Variants in PDZD2 observed in about 807,000 individuals in gnomAD.
PDZD2 encodes the protein PDZ domain containing 2, also known as PDZ domain-containing protein 2.
PDZD2 carries 90 observed loss-of-function variants against 220.7 expected under a neutral mutation model. That is an observed-to-expected ratio of 0.41 (90% CI 0.34 to 0.49). The LOEUF (loss-of-function observed/expected upper bound fraction) is 0.49. PDZD2 is among the 20% of genes least tolerant of loss of function. The probability of loss-of-function intolerance (pLI) is 0.28; values close to 1 mark genes in which losing one functional copy is unlikely to be tolerated. For synonymous variants in PDZD2, 1,375 were observed against 1,450.5 expected (o/e 0.95, Z 1.18); for missense variants, 3,174 against 3,608.5 (o/e 0.88, Z 3.08).
At chr5:31,830,319 C>T (rs1330245155) in intron 2 of PDZD2, among the ~76,000 whole-genome samples, 6 of 145,174 alleles carry the variant, frequency 4.1e-5, no homozygotes, top group Non-Finnish European at 9.0e-5. Flanking sequence ...GCGCCCACCA[C>T]CACGCCCAGC....
At chr5:32,081,527 C>A (rs375676805) in intron 19 of PDZD2, among the ~76,000 whole-genome samples, 1 of 152,154 alleles carries the variant, frequency 6.6e-6, no homozygotes, top group Non-Finnish European at 1.5e-5. Flanking sequence ...ACCCGATTAC[C>A]GGATCTCTAA....
chr5:31,722,109 C>T (rs1451604740), intron 1 of PDZD2, among the ~76,000 whole-genome samples: 1 of 152,210 alleles, frequency 6.6e-6, no homozygotes. Context: ...GCCTAGACAA[C>T]CTCACATTGC....
chr5:31,961,723 C>A (rs1748250492), intron 2 of PDZD2, among the ~76,000 whole-genome samples: 1 of 152,176 alleles, frequency 6.6e-6, no homozygotes, highest in Non-Finnish European at 1.5e-5. Context: ...CGGCTCACTG[C>A]AGTCTCTGCC....
chr5:31,959,226 T>C (rs924256142), intron 2 of PDZD2, among the ~76,000 whole-genome samples: 1 of 150,220 alleles, frequency 6.7e-6, no homozygotes, highest in African/African-American at 2.4e-5. Context: ...CCACTGCGCC[T>C]GGCAAAGCAC....
intron 2 of PDZD2, among the ~76,000 whole-genome samples, chr5:31,890,135 A>T (rs142690905): frequency 3.1e-5 from 3 of 98,238 alleles, no homozygotes; most frequent in Non-Finnish European, 3.9e-5. Flanking sequence ...CTTTTTTGTG[A>T]TTTTTTTTTT....
At chr5:31,856,062 CTA>C (rs1169006807) in intron 2 of PDZD2, among the ~76,000 whole-genome samples, 1 of 152,116 alleles carries the variant, frequency 6.6e-6, no homozygotes, top group African/African-American at 2.4e-5. Flanking sequence ...ATAATAAACT[CTA>C]AATAATATAG....
chr5:31,770,012 G>A (rs568503012), intron 1 of PDZD2, among the ~76,000 whole-genome samples: 1 of 152,280 alleles, frequency 6.6e-6, no homozygotes, highest in African/African-American at 2.4e-5. Context: ...TTCTCTGGCA[G>A]CCTGAGGCAG....
At chr5:31,988,461 C>G (rs1750900415) in intron 3 of PDZD2, among the ~76,000 whole-genome samples, 1 of 140,368 alleles carries the variant, frequency 7.1e-6, no homozygotes, top group Non-Finnish European at 1.5e-5. Flanking sequence ...GCATCACCCT[C>G]CTGGCATGTG....
chr5:31,876,001 G>A (rs190057127), intron 2 of PDZD2, among the ~76,000 whole-genome samples: 1 of 152,110 alleles, frequency 6.6e-6, no homozygotes, highest in African/African-American at 2.4e-5. Context: ...AAAAATTCTT[G>A]TTGAGAGACT....
chr5:32,076,288 G>GTAAAA (rs1741279663), intron 18 of PDZD2, among the ~76,000 whole-genome samples: 1 of 87,930 alleles, frequency 1.1e-5, no homozygotes, highest in Non-Finnish European at 2.3e-5. Flanking sequence ...TCGGTCTCAA[G>GTAAAA]AAAAAAAAAA....
chr5:32,085,681 A>G (rs1192408032), intron 19 of PDZD2, among the ~76,000 whole-genome samples: 7 of 151,526 alleles, frequency 4.6e-5, no homozygotes, highest in African/African-American at 1.5e-4. Flanking sequence ...TCTTGACCTC[A>G]GGTGATCCAC....
chr5:32,057,330 G>A (rs1739180098), intron 10 of PDZD2, among the ~76,000 whole-genome samples: 1 of 152,184 alleles, frequency 6.6e-6, no homozygotes, highest in African/African-American at 2.4e-5. Flanking sequence ...TATGAGGAAC[G>A]CCTTTGAACT....
chr5:31,990,501 G>A (rs1256971155), intron 3 of PDZD2, among the ~76,000 whole-genome samples: 1 of 152,102 alleles, frequency 6.6e-6, no homozygotes, highest in African/African-American at 2.4e-5. Flanking sequence ...GTCTAGACAG[G>A]GTCTGTTGCA....
intron 7 of PDZD2, among the ~76,000 whole-genome samples, chr5:32,044,822 T>C (rs550992384): frequency 6.6e-6 from 1 of 152,264 alleles, no homozygotes; most frequent in African/African-American, 2.4e-5. Flanking sequence ...AGCATCAGGA[T>C]AGATCAGCGA....
intron 1 of PDZD2, among the ~76,000 whole-genome samples, chr5:31,768,234 G>A (rs116478990): frequency 0.02 from 3,026 of 152,312 alleles, 49 homozygotes; most frequent in Non-Finnish European, 0.031. Flanking sequence ...GGAACTCCGT[G>A]AAAGGCAGGC....
intron 2 of PDZD2, among the ~76,000 whole-genome samples, chr5:31,920,454 A>G (rs1019433666): frequency 3.3e-5 from 5 of 151,292 alleles, no homozygotes; most frequent in African/African-American, 1.2e-4. Flanking sequence ...ACATCTTATA[A>G]TCACCCAATG....
At chr5:31,674,663 G>A (rs1457270060) in intron 1 of PDZD2, among the ~76,000 whole-genome samples, 4 of 152,172 alleles carry the variant, frequency 2.6e-5, no homozygotes, top group Admixed American at 6.5e-5. Flanking sequence ...GAATCTGGGC[G>A]ACTGAGAGTG....
intron 2 of PDZD2, among the ~76,000 whole-genome samples, chr5:31,811,238 G>A (rs569561637): frequency 1.3e-5 from 2 of 152,248 alleles, no homozygotes; most frequent in South Asian, 2.1e-4. Flanking sequence ...CACCCACCTC[G>A]GCCTCCCAAA....
At chr5:31,787,112 A>C (rs1006470378) in intron 1 of PDZD2, among the ~76,000 whole-genome samples, 4 of 152,232 alleles carry the variant, frequency 2.6e-5, no homozygotes, top group Non-Finnish European at 5.9e-5. Context: ...GGACAGGATG[A>C]TCAGAAGGTA....
Sources: allele counts gnomAD v4.1 joint callset (sites outside exome capture counted in the v4.1 genomes callset), GRCh38; gene constraint gnomAD v4.1.1; transcripts MANE v1.5; gene names NCBI Gene and HGNC (gene_info 2026-07-23, HGNC 2026-07-21).